The following FER variants were observed in gnomAD, a reference collection of about 807,000 sequenced individuals.
FER encodes tyrosine-protein kinase Fer.
A neutral mutation model predicts 111.0 loss-of-function variants in FER; 63 were observed. The ratio of observed to expected loss-of-function variants is 0.57; its 90% CI spans 0.46 to 0.70. The LOEUF (loss-of-function observed/expected upper bound fraction) is 0.70, where lower values mean the gene tolerates loss of function less well. Ranked by LOEUF, FER falls within the 30% of genes least tolerant of loss-of-function variation. The probability of loss-of-function intolerance (pLI) is 0.00; values close to 1 mark genes in which losing one functional copy is unlikely to be tolerated. For missense variants in FER, 914 were observed against 954.0 expected, an observed-to-expected ratio of 0.96 and a Z score of 0.55; for synonymous variants, 327 against 313.9, an observed-to-expected ratio of 1.04 and a Z score of -0.44.
At chr5:108,762,592 C>G (rs954890371) in intron 1 of FER, among the ~76,000 whole-genome samples, 2 of 152,178 alleles carry the variant, frequency 1.3e-5, no homozygotes, top group Non-Finnish European at 2.9e-5. Context: ...TTAAAATGAG[C>G]TATAGTTTCA....
intron 17 of FER, among the ~76,000 whole-genome samples, chr5:109,166,020 T>G (rs1756519881): frequency 6.6e-6 from 1 of 152,134 alleles, no homozygotes; most frequent in South Asian, 2.1e-4. Context: ...TGGGAAAATT[T>G]CCAGCTATAG....
chr5:108,822,443 A>T (rs1758950954), intron 3 of FER, among the ~76,000 whole-genome samples: 1 of 152,192 alleles, frequency 6.6e-6, no homozygotes. Context: ...TTCCGGTGAG[A>T]ACTATTGTGC....
intron 17 of FER, among the ~76,000 whole-genome samples, chr5:109,145,004 A>T (rs143487618): frequency 1.3e-5 from 2 of 151,858 alleles, no homozygotes; most frequent in African/African-American, 4.8e-5. Flanking sequence ...GGTCAAAAAA[A>T]TCTGACCAGG....
intron 3 of FER, among the ~76,000 whole-genome samples, chr5:108,822,221 A>G (rs1758920314): frequency 6.6e-6 from 1 of 152,110 alleles, no homozygotes; most frequent in Non-Finnish European, 1.5e-5. Flanking sequence ...ATATATGTGT[A>G]TACACACACA....
At chr5:109,084,629 C>G (rs989313010) in intron 16 of FER, among the ~76,000 whole-genome samples, 1 of 151,764 alleles carries the variant, frequency 6.6e-6, no homozygotes, top group African/African-American at 2.4e-5. Context: ...ATTATCTTCC[C>G]CCTACCCCTC....
intron 17 of FER, among the ~76,000 whole-genome samples, chr5:109,173,617 C>T (rs1757364487): frequency 6.6e-6 from 1 of 152,184 alleles, no homozygotes; most frequent in Admixed American, 6.5e-5. Flanking sequence ...CAGGCCTGCT[C>T]AACCAGTTTT....
chr5:109,112,780 A>G (rs1749778784), intron 17 of FER, among the ~76,000 whole-genome samples: 1 of 152,146 alleles, frequency 6.6e-6, no homozygotes, highest in South Asian at 2.1e-4. Context: ...GAAACATTTG[A>G]AAACTGCTTA....
intron 1 of FER, among the ~76,000 whole-genome samples, chr5:108,758,119 T>C (rs1250441353): frequency 6.6e-6 from 1 of 152,218 alleles, no homozygotes; most frequent in East Asian, 1.9e-4. Context: ...AGGCAAGCTG[T>C]TGCAGGAATG....
intron 6 of FER, among the ~76,000 whole-genome samples, chr5:108,870,313 A>G (rs1036461307): frequency 2.6e-5 from 4 of 152,116 alleles, no homozygotes; most frequent in Non-Finnish European, 4.4e-5. Flanking sequence ...GTAAATGTTA[A>G]TGATCTCCAC....
chr5:108,933,627 A>G (rs1250009461), intron 10 of FER, among the ~76,000 whole-genome samples: 3 of 152,074 alleles, frequency 2.0e-5, no homozygotes, highest in South Asian at 2.1e-4. Context: ...TTCTAATTCT[A>G]TGAAGAAAGT....
At chr5:109,117,824 T>C (rs1750440454) in intron 17 of FER, among the ~76,000 whole-genome samples, 2 of 151,784 alleles carry the variant, frequency 1.3e-5, no homozygotes, top group African/African-American at 4.9e-5. Context: ...GTTATTGGTG[T>C]ATAAGAATGC....
chr5:109,138,699 T>C (rs1166214273), intron 17 of FER, among the ~76,000 whole-genome samples: 1 of 152,162 alleles, frequency 6.6e-6, no homozygotes, highest in East Asian at 1.9e-4. Context: ...TGTGTTTCCA[T>C]CTGATGTTTC....
chr5:108,848,386 A>G (rs1297999793), intron 5 of FER, among the ~76,000 whole-genome samples: 1 of 152,094 alleles, frequency 6.6e-6, no homozygotes, highest in Non-Finnish European at 1.5e-5. Context: ...TGTTCCACGT[A>G]TTCTGTATTT....
At chr5:108,872,314 A>G (rs1764678350) in intron 8 of FER, 102 bp downstream of exon 8, 1 of 1,179,014 alleles carries the variant, frequency 8.5e-7, no homozygotes, top group South Asian at 1.9e-5. Context: ...AGTATTGAAC[A>G]GTAAATTTTT....
intron 16 of FER, among the ~76,000 whole-genome samples, chr5:109,083,042 G>C: frequency 6.6e-6 from 1 of 152,016 alleles, no homozygotes. Context: ...AAAGATAGGT[G>C]TTAAATCTAT....
At position 108,946,120 on chromosome 5, in the gene FER, A is replaced by C; in HGVS notation, c.1237-10A>C. The C allele has an allele frequency of 6.2e-7, 1 of 1,604,474 alleles. No individual in the cohort carries two copies. The highest frequency in any genetic ancestry group is 8.5e-7 in the Non-Finnish European group (1 of 1,172,200). ...ACTGTTGCTGAAGGCTTGTTTCTTA[A>C]TCCCTCCAGGAAAGAAAGGAGAGGC... is the stretch of plus-strand genomic sequence containing the variant. On this transcript the variant is annotated splice_polypyrimidine_tract_variant and intron_variant, in intron 10 of 19. Coordinates refer to ENST00000281092, the MANE Select transcript of FER (RefSeq NM_005246.4).
intron 10 of FER, among the ~76,000 whole-genome samples, chr5:108,937,876 A>G (rs566719791): frequency 6.6e-6 from 1 of 151,934 alleles, no homozygotes; most frequent in South Asian, 2.1e-4. Context: ...GTGAGCATAT[A>G]TAACTCTTTT....
chr5:109,124,684 C>T (rs184687655), intron 17 of FER, among the ~76,000 whole-genome samples: 81 of 152,018 alleles, frequency 5.3e-4, no homozygotes, highest in Non-Finnish European at 7.2e-4. Context: ...GACTCTGGGC[C>T]AGTTATTTAG....
intron 5 of FER, among the ~76,000 whole-genome samples, 192 bp from the exon 6 acceptor site, chr5:108,867,575 T>C (rs534665191): frequency 6.6e-6 from 1 of 152,106 alleles, no homozygotes; most frequent in South Asian, 2.1e-4. Flanking sequence ...TTGGCAACCT[T>C]TGTGTTAAGG....
Sources: allele counts gnomAD v4.1 joint callset (sites outside exome capture counted in the v4.1 genomes callset), GRCh38; gene constraint gnomAD v4.1.1; transcripts MANE v1.5; gene names NCBI Gene and HGNC (gene_info 2026-07-23, HGNC 2026-07-21).